Variants in ENTPD5 observed in about 807,000 individuals in gnomAD.
ENTPD5 encodes ectonucleoside triphosphate diphosphohydrolase 5 (inactive), also known as nucleoside diphosphate phosphatase ENTPD5.
A neutral mutation model predicts 60.2 loss-of-function variants in ENTPD5; 49 were observed. The ratio of observed to expected loss-of-function variants is 0.81; its 90% CI spans 0.65 to 1.03. The LOEUF (loss-of-function observed/expected upper bound fraction) is 1.03. Ranked by LOEUF, ENTPD5 falls within the 50% of genes least tolerant of loss-of-function variation. ENTPD5 has a pLI of 0.00. For synonymous variants in ENTPD5, 187 were observed against 185.4 expected, an observed-to-expected ratio of 1.01 and a Z score of -0.07; for missense variants, 480 against 507.6, an observed-to-expected ratio of 0.95 and a Z score of 0.52.
intron 3 of ENTPD5, among the ~76,000 whole-genome samples, chr14:74,001,383 T>G (rs2058500691): frequency 6.6e-6 from 1 of 151,570 alleles, no homozygotes; most frequent in Non-Finnish European, 1.5e-5. Flanking sequence ...GTGCCTATAG[T>G]CCCAGCTACT....
At chr14:74,017,040 C>T (rs997862866) in intron 1 of ENTPD5, among the ~76,000 whole-genome samples, 1 of 152,204 alleles carries the variant, frequency 6.6e-6, no homozygotes, top group African/African-American at 2.4e-5. Context: ...TATGATCGGC[C>T]AGGCGTGGTG....
At chr14:74,014,495 G>A (rs1250745809) in intron 2 of ENTPD5, among the ~76,000 whole-genome samples, 2 of 152,094 alleles carry the variant, frequency 1.3e-5, no homozygotes, top group African/African-American at 4.8e-5. Context: ...AGGCTGCAGT[G>A]AGTCATGATT....
Position 73,966,523 on chromosome 14 carries a change from G to A in ENTPD5, c.*405C>T, listed in dbSNP as rs544722277. On this transcript the variant is annotated 3_prime_UTR_variant, in exon 16 of 16. Transcript: ENST00000334696. Reference sequence around the variant, plus strand: ...GTGGGTGCAGATAAGGGTGGGCAGGGCACTGTATAGGGAGGAAAAAAATAC... The same window carrying A: ...GTGGGTGCAGATAAGGGTGGGCAGGACACTGTATAGGGAGGAAAAAAATAC... The A allele has an allele frequency of 2.9e-3, 452 of 155,322 alleles. No homozygotes were observed. The highest frequency in any genetic ancestry group is 4.5e-3 in the Non-Finnish European group (317 of 70,020). The allele number at this position is 155,322 out of a possible 1,614,324, so 9.6% of individuals were successfully genotyped here.
downstream of ENTPD5, chr14:73,959,631 G>T: frequency 6.4e-7 from 1 of 1,564,526 alleles, no homozygotes; most frequent in South Asian, 1.1e-5. Context: ...GCAGTGGCGC[G>T]ATCTTGGCTC....
chr14:74,010,515 T>C (rs1442071254), intron 3 of ENTPD5, among the ~76,000 whole-genome samples: 1 of 151,852 alleles, frequency 6.6e-6, no homozygotes, highest in Non-Finnish European at 1.5e-5. Flanking sequence ...GATCAAGCCA[T>C]TGCACTCCAG....
At chr14:74,013,961 C>T (rs917028201) in intron 2 of ENTPD5, among the ~76,000 whole-genome samples, 18 of 151,844 alleles carry the variant, frequency 1.2e-4, no homozygotes, top group Non-Finnish European at 2.5e-4. Flanking sequence ...TTGTCCAGGC[C>T]GGTCTCAAAA....
At chr14:74,018,179 GAAA>G (rs35872561) in intron 1 of ENTPD5, among the ~76,000 whole-genome samples, 16 of 122,690 alleles carry the variant, frequency 1.3e-4, no homozygotes, top group African/African-American at 5.0e-4. Context: ...CTCTCTCTCA[GAAA>G]AAAAAAAAAA....
intron 5 of ENTPD5, among the ~76,000 whole-genome samples, chr14:73,985,903 C>T (rs946134912): frequency 6.6e-6 from 1 of 151,856 alleles, no homozygotes; most frequent in Admixed American, 6.6e-5. Context: ...GAAACCCCGT[C>T]TCTACTAAAA....
chr14:73,993,925 CA>C (rs922984024), intron 3 of ENTPD5, among the ~76,000 whole-genome samples: 28 of 87,248 alleles, frequency 3.2e-4, no homozygotes, highest in African/African-American at 6.0e-4. Context: ...AAAAAACAAA[CA>C]AAAAAAAACA....
chr14:74,016,904 T>C (rs139094945), intron 1 of ENTPD5, among the ~76,000 whole-genome samples: 1 of 152,318 alleles, frequency 6.6e-6, no homozygotes, highest in African/African-American at 2.4e-5. Flanking sequence ...TTCAGAACCT[T>C]ACACATACAA....
intron 2 of ENTPD5, among the ~76,000 whole-genome samples, chr14:74,012,583 C>G (rs370932101): frequency 6.6e-6 from 1 of 152,172 alleles, no homozygotes; most frequent in South Asian, 2.1e-4. Flanking sequence ...CACCTACAGG[C>G]ACCAGGCAGG....
chr14:73,963,712 G>A lies in ENTPD5; in HGVS notation c.*3216C>T, dbSNP rs1484363856. The A allele has an allele frequency of 6.6e-6, 1 of 152,586 alleles. No individual in the cohort carries two copies. The highest frequency in any genetic ancestry group is 1.5e-5 in the Non-Finnish European group (1 of 68,400). 9.5% of individuals were successfully genotyped at this position (152,586 alleles called of 1,614,324 possible). A position where few individuals can be genotyped will look rare whatever the true frequency, so the allele number is the denominator to read the frequency against. ...CAGACTGGTGGCCAACTGGAGGGAG[G>A]GGAGTTTTACTGTGGGTTTTTGAAG... On this transcript the variant is annotated 3_prime_UTR_variant, in exon 16 of 16. Coordinates refer to ENST00000334696, the MANE Select transcript of ENTPD5 (RefSeq NM_001249.5).
intron 6 of ENTPD5, among the ~76,000 whole-genome samples, 176 bp from the exon 7 acceptor site, chr14:73,977,550 C>T (rs1254388239): frequency 3.3e-5 from 5 of 152,182 alleles, no homozygotes; most frequent in Non-Finnish European, 5.9e-5. Context: ...CAAGCCATTA[C>T]CAGTTTCTTG....
At chr14:73,958,306 G>T (rs2140396798), downstream of ENTPD5, 1 of 1,613,338 alleles carries the variant, frequency 6.2e-7, no homozygotes, top group East Asian at 2.2e-5. Flanking sequence ...TTTGCTAGGG[G>T]TCTTGTATAT....
intron 3 of ENTPD5, chr14:74,007,769 T>C (rs1192892208): frequency 6.6e-6 from 1 of 151,354 alleles, no homozygotes; most frequent in African/African-American, 2.4e-5. Flanking sequence ...TGCCGTGAGC[T>C]GTGATTGCAC....
At chr14:73,971,303 G>A (rs1429323476) in intron 14 of ENTPD5, among the ~76,000 whole-genome samples, 3 of 151,818 alleles carry the variant, frequency 2.0e-5, no homozygotes, top group African/African-American at 4.8e-5. Context: ...GATTACAGGC[G>A]CCTGCCACCT....
At chr14:74,001,699 A>AAAAAAAAAG (rs2058516402) in intron 3 of ENTPD5, among the ~76,000 whole-genome samples, 1 of 118,222 alleles carries the variant, frequency 8.5e-6, no homozygotes, top group African/African-American at 3.2e-5. Flanking sequence ...AAAAAAAAAA[A>AAAAAAAAAG]AAGCCAGGCA....
downstream of ENTPD5, chr14:73,961,350 G>C: frequency 6.2e-7 from 1 of 1,614,212 alleles, no homozygotes; most frequent in Non-Finnish European, 8.5e-7. Context: ...TGCTGAGTAC[G>C]TCAGGCCTCG....
intron 6 of ENTPD5, 25 bp from the exon 7 acceptor site, chr14:73,977,399 A>AAC: frequency 6.6e-7 from 1 of 1,506,340 alleles, no homozygotes; most frequent in Non-Finnish European, 9.1e-7. Flanking sequence ...AAAAAAAAAA[A>AAC]AAAGAATTCC....
Sources: gnomAD v4.1 joint callset for allele counts (sites outside exome capture counted in the v4.1 genomes callset) on GRCh38, gnomAD v4.1.1 for gene constraint, MANE v1.5 for transcripts, NCBI Gene and HGNC (gene_info 2026-07-23, HGNC 2026-07-21) for gene names.